THBS1: variants seen among roughly 807,000 people sequenced by gnomAD.
THBS1 encodes thrombospondin 1.
In THBS1, 29 loss-of-function variants were observed where a neutral mutation model predicts 126.1. That is an observed-to-expected ratio of 0.23 (90% CI 0.17 to 0.31). THBS1 has a LOEUF of 0.31. Ranked by LOEUF, THBS1 falls within the 10% of genes least tolerant of loss-of-function variation. The probability of loss-of-function intolerance (pLI) is 1.00; values close to 1 mark genes in which losing one functional copy is unlikely to be tolerated. For synonymous variants in THBS1, 496 were observed against 577.8 expected, an observed-to-expected ratio of 0.86 and a Z score of 2.03; for missense variants, 1,198 against 1,545.2, an observed-to-expected ratio of 0.78 and a Z score of 3.77.
chr15:39,584,929 G>A (rs1014479945), intron 6 of THBS1, among the ~76,000 whole-genome samples: 2 of 152,200 alleles, frequency 1.3e-5, no homozygotes, highest in Admixed American at 1.3e-4. Flanking sequence ...GAGTTTGGAG[G>A]TTCACCTGGC....
intron 2 of THBS1, 70 bp from the exon 3 acceptor site, chr15:39,582,123 C>CT (rs1212301982): frequency 6.6e-6 from 10 of 1,508,184 alleles, no homozygotes; most frequent in Non-Finnish European, 9.0e-6. Context: ...GTCTCCACCC[C>CT]TAAGGACTCA....
At chr15:39,583,566 ATCCC>A in intron 3 of THBS1, 47 bp from the exon 4 acceptor site, 23 of 716,556 alleles carry the variant, frequency 3.2e-5, no homozygotes, top group Non-Finnish European at 4.9e-5. Context: ...CCCCAACCCC[ATCCC>A]CACCCCGCTC....
In THBS1 at chr15:39,581,821, T is replaced by G; in HGVS notation, c.-29-8T>G. On this transcript the variant is annotated splice_polypyrimidine_tract_variant and splice_region_variant and intron_variant, in intron 1 of 21. Transcript: ENST00000260356. ...TCTGACCCTCGGCTCTTGTGCTTCC[T>G]GCTACAGGATCCCTGCTGGGCACCA... The G allele has an allele frequency of 6.2e-7, 1 of 1,601,074 alleles. No homozygotes were observed. The highest frequency in any genetic ancestry group is 1.1e-5 in the South Asian group (1 of 90,686).
intron 21 of THBS1, 152 bp from the exon 22 acceptor site, chr15:39,595,210 A>G: frequency 2.2e-6 from 1 of 447,944 alleles, no homozygotes; most frequent in Non-Finnish European, 3.9e-6. Context: ...TAATAAAATT[A>G]AATGCTAATG....
In THBS1 at chr15:39,587,506, AGT is replaced by A; in HGVS notation, c.1284_1285del (p.Cys428Ter). 6.2e-7 allele frequency: 1 copy of A among 1,612,992 alleles called. No individual in the cohort carries two copies. ...CAGACACGGACCTGCCACATTCAGG[AGT>A]GTGACAAGAGATGTAAGCATCTTAG... is the stretch of plus-strand genomic sequence containing the variant. On this transcript the variant is annotated frameshift_variant, in exon 8 of 22. Coordinates refer to ENST00000260356, the MANE Select transcript of THBS1 (RefSeq NM_003246.4). LOFTEE classifies it high-confidence loss of function.
Position 39,588,145 on chromosome 15 carries a change from C to T in THBS1, c.1398C>T (p.Ser466=). The T allele has an allele frequency of 6.2e-7, 1 of 1,614,180 alleles. No individual in the cohort carries two copies. The highest frequency in any genetic ancestry group is 8.5e-7 in the Non-Finnish European group (1 of 1,180,038). ...GGATCCGGCTCTGCAACTCTCCCAG[C>T]CCCCAGATGAACGGGAAACCCTGTG... ...ITRIRLCNSP[S]PQMNGKPCEG... The change falls in exon 9 of 22, where the codon AGC becomes AGT. Residue 466 remains serine (S), a synonymous_variant. Coordinates refer to ENST00000260356, the MANE Select transcript of THBS1 (RefSeq NM_003246.4).
chr15:39,583,758 G>A (rs1595506774), intron 4 of THBS1, 66 bp downstream of exon 4: 1 of 1,530,596 alleles, frequency 6.5e-7, no homozygotes, highest in East Asian at 2.3e-5. Flanking sequence ...AACAAACTGA[G>A]GAATTTAGCA....
Position 39,592,035 on chromosome 15 carries a change from A to G in THBS1, c.2532+412A>G, listed in dbSNP as rs1366321154. Among the ~76,000 whole-genome samples, 1 of 152,264 alleles carries G rather than the reference A, an allele frequency of 6.6e-6. No individual in the cohort carries two copies. Among genetic ancestry groups the G allele is most frequent in the Non-Finnish European group, 1.5e-5 (1 of 68,042 alleles). On this transcript the variant is annotated intron_variant, in intron 16 of 21. Coordinates refer to ENST00000260356, the MANE Select transcript of THBS1 (RefSeq NM_003246.4). This position sits in a 1 kb window ranked among gnomAD's most constrained non-coding sequence, Gnocchi z 4.3. ...TCATGGCTAATGATGTAATCTAGCTATAAGAAAATCATCAAACTAAGGATA... is the reference window on the plus strand; with the variant it reads ...TCATGGCTAATGATGTAATCTAGCTGTAAGAAAATCATCAAACTAAGGATA...
At position 39,597,230 on chromosome 15, in the gene THBS1, T is replaced by A. The variant is rs1483211343; in HGVS notation, c.*1861T>A. On this transcript the variant is annotated 3_prime_UTR_variant, in exon 22 of 22. Coordinates refer to ENST00000260356, the MANE Select transcript of THBS1 (RefSeq NM_003246.4). ...AGTTAGTATTTCTATTTTTATATAA[T>A]GTTTGCACACTGAATTGAAGAATTG... The A allele has an allele frequency of 1.3e-5, 2 of 151,716 alleles. No individual in the cohort carries two copies. The highest frequency in any genetic ancestry group is 2.9e-5 in the Non-Finnish European group (2 of 67,910). The allele number at this position is 151,716 out of a possible 1,614,324, so 9.4% of individuals were successfully genotyped here.
rs1207857316 is a variant in THBS1 at position 39,584,198 on chromosome 15, T to C, written c.903+11T>C. 2 of 1,613,878 alleles carry C rather than the reference T, an allele frequency of 1.2e-6. No individual in the cohort carries two copies. Among genetic ancestry groups the C allele is most frequent in the East Asian group, 2.2e-5 (1 of 44,894 alleles). ...AGCATCCGCAAAGTGGTCAGTGGCCTCTGCACCCAGCCCGTTAGCATGAAC... is the reference window on the plus strand; with the variant it reads ...AGCATCCGCAAAGTGGTCAGTGGCCCCTGCACCCAGCCCGTTAGCATGAAC... On this transcript the variant is annotated intron_variant, in intron 5 of 21. Coordinates refer to ENST00000260356, the MANE Select transcript of THBS1 (RefSeq NM_003246.4).
chr15:39,591,655 A>G (rs1461631466), intron 16 of THBS1, 32 bp downstream of exon 16: 1 of 1,577,926 alleles, frequency 6.3e-7, no homozygotes. Context: ...AGAGTCTTTC[A>G]GTAAACTGTT....
chr15:39,581,737 G>C, intron 1 of THBS1, 92 bp from the exon 2 acceptor site: 1 of 704,242 alleles, frequency 1.4e-6, no homozygotes, highest in Non-Finnish European at 2.4e-6. Context: ...GGATGGTCCC[G>C]GCCCTGTCCC....
At chr15:39,591,063 A>G (rs550990908) in intron 14 of THBS1, 128 bp from the exon 15 acceptor site, 36 of 1,054,154 alleles carry the variant, frequency 3.4e-5, no homozygotes, top group Non-Finnish European at 4.8e-5. Flanking sequence ...TGAGTGATCA[A>G]TTAGCCTATC....
chr15:39,587,100 A>C, intron 7 of THBS1: 1 of 324,096 alleles, frequency 3.1e-6, no homozygotes, highest in Non-Finnish European at 5.6e-6. Context: ...CAAAAAAAGT[A>C]ACTGTAAGAT....
rs1454937807 is a variant in THBS1 at position 39,598,545 on chromosome 15, G to A, written c.*3176G>A. On this transcript the variant is annotated 3_prime_UTR_variant, in exon 22 of 22. Coordinates refer to ENST00000260356, the MANE Select transcript of THBS1 (RefSeq NM_003246.4). The stretch of plus-strand genomic sequence containing the variant: ...TTCTAATTCATTCTTGGATAGTGAA[G>A]CAAAACTGATTGAAAATACCAAGAT... 1 of 152,184 alleles carries A rather than the reference G, an allele frequency of 6.6e-6. No individual in the cohort carries two copies. Among genetic ancestry groups the A allele is most frequent in the Non-Finnish European group, 1.5e-5 (1 of 68,024 alleles). 9.4% of individuals were successfully genotyped at this position (152,184 alleles called of 1,614,324 possible). A position where few individuals can be genotyped will look rare whatever the true frequency, so the allele number is the denominator to read the frequency against.
At position 39,594,045 on chromosome 15, in the gene THBS1, A is replaced by G; in HGVS notation, c.3268-54A>G. On this transcript the variant is annotated intron_variant, in intron 19 of 21. Transcript: ENST00000260356. This position sits in a 1 kb window ranked among gnomAD's most constrained non-coding sequence, Gnocchi z 4.4. ...CATTGTTTCTGATGGAATGAAATAG[A>G]AATCTTTACCTGAAGGAGCTGTGTT... 1 of 1,532,542 alleles carries G rather than the reference A, an allele frequency of 6.5e-7. No individual in the cohort carries two copies. Among genetic ancestry groups the G allele is most frequent in the Non-Finnish European group, 8.9e-7 (1 of 1,124,444 alleles). The allele number at this position is 1,532,542 out of a possible 1,614,324, so 94.9% of individuals were successfully genotyped here.
Position 39,581,176 on chromosome 15 carries a change from A to AGCCCTCGCC in THBS1, c.-72_-64dup, listed in dbSNP as rs1405542360. 2.1e-4 allele frequency: 33 copies of AGCCCTCGCC among 154,704 alleles called. No homozygotes were observed. The highest frequency in any genetic ancestry group is 7.5e-4 in the African/African-American group (31 of 41,562). 9.6% of individuals were successfully genotyped at this position (154,704 alleles called of 1,614,324 possible). On this transcript the variant is annotated 5_prime_UTR_variant, in exon 1 of 22. Transcript: ENST00000260356. ...GCACAGGCATTCCCCGCGCCCCTCCAGCCCTCGCCGCCCTCGCCACCGCTC... is the reference window on the plus strand; with the variant it reads ...GCACAGGCATTCCCCGCGCCCCTCCAGCCCTCGCCGCCCTCGCCGCCCTCGCCACCGCTC...
At position 39,582,372 on chromosome 15, in the gene THBS1, C is replaced by G. The variant is rs571353083; in HGVS notation, c.247C>G (p.Arg83Gly). 6.2e-7 allele frequency: 1 copy of G among 1,614,140 alleles called. No homozygotes were observed. Among genetic ancestry groups the G allele is most frequent in the Admixed American group, 1.7e-5 (1 of 60,018 alleles). ...DKFQDLVDAV[R>G]AEKGFLLLAS... Reference sequence around the variant, plus strand: ...GTTCCAAGACCTGGTGGATGCTGTGCGGGCAGAAAAGGGTTTCCTCCTTCT... The same window carrying G: ...GTTCCAAGACCTGGTGGATGCTGTGGGGGCAGAAAAGGGTTTCCTCCTTCT... Residue 83 changes from arginine to glycine, a missense_variant, in exon 3 of 22, where the codon CGG (arginine) becomes GGG (glycine). By Grantham distance (125) the Arg-to-Gly change is moderately radical. Transcript: ENST00000260356.
chr15:39,583,575 C>T, intron 3 of THBS1, 42 bp from the exon 4 acceptor site: 1 of 1,512,858 alleles, frequency 6.6e-7, no homozygotes, highest in Non-Finnish European at 9.1e-7. Context: ...CATCCCCACC[C>T]CGCTCTGCAT....
Sources: allele counts gnomAD v4.1 joint callset (sites outside exome capture counted in the v4.1 genomes callset), GRCh38; gene constraint gnomAD v4.1.1; non-coding constraint Gnocchi (gnomAD v3.1); transcripts MANE v1.5; gene names NCBI Gene and HGNC (gene_info 2026-07-23, HGNC 2026-07-21).